SNX29: variants seen among roughly 807,000 people sequenced by gnomAD.
SNX29 encodes sorting nexin 29.
Under a neutral mutation model 102.1 loss-of-function variants are expected in SNX29, and 78 were observed. That is an observed-to-expected ratio of 0.76 (90% CI 0.64 to 0.92). SNX29 has a LOEUF of 0.92. SNX29 is among the 40% of genes least tolerant of loss of function. The pLI is 0.00. For synonymous variants in SNX29, 580 were observed against 414.5 expected, an observed-to-expected ratio of 1.40 and a Z score of -4.85; for missense variants, 1,280 against 1,061.7, an observed-to-expected ratio of 1.21 and a Z score of -2.86.
At chr16:12,151,624 T>C (rs1254695331) in intron 13 of SNX29, among the ~76,000 whole-genome samples, 1 of 152,236 alleles carries the variant, frequency 6.6e-6, no homozygotes, top group Non-Finnish European at 1.5e-5. Context: ...TTCTTTTCAA[T>C]TCCTCTGAAG....
At chr16:12,381,300 A>ACTCAC (rs2083135500) in intron 16 of SNX29, among the ~76,000 whole-genome samples, 1 of 57,048 alleles carries the variant, frequency 1.8e-5, no homozygotes, top group Non-Finnish European at 3.2e-5. Flanking sequence ...CCACCCACCC[A>ACTCAC]TTATCCATCT....
At chr16:12,492,272 C>G (rs372186903) in intron 19 of SNX29, among the ~76,000 whole-genome samples, 43 of 152,308 alleles carry the variant, frequency 2.8e-4, no homozygotes, top group East Asian at 1.3e-3. Context: ...GCATTTCTCT[C>G]ATGGCCAGTG....
chr16:12,562,559 C>G lies in SNX29; in HGVS notation c.2319-5947C>G, dbSNP rs372242097. Among the ~76,000 whole-genome samples, 10 of 152,294 alleles carry G rather than the reference C, an allele frequency of 6.6e-5. No individual in the cohort carries two copies. The East Asian group carries it at 1.7e-3, about 26-fold the overall frequency. ...AGCCAGGAGTCATCTAAGACACTGTCCCCGTGGTCCCTAGTTTTTACCCAG... is the reference window on the plus strand; with the variant it reads ...AGCCAGGAGTCATCTAAGACACTGTGCCCGTGGTCCCTAGTTTTTACCCAG... On this transcript the variant is annotated intron_variant, in intron 20 of 20. Transcript: ENST00000566228.
chr16:12,551,032 A>C (rs1446069833), intron 20 of SNX29, among the ~76,000 whole-genome samples: 1 of 152,196 alleles, frequency 6.6e-6, no homozygotes, highest in Non-Finnish European at 1.5e-5. Flanking sequence ...GGGCTTCTAA[A>C]CAAGGTGTCA....
chr16:12,314,482 C>CTT (rs1325785217), intron 15 of SNX29, among the ~76,000 whole-genome samples: 2 of 152,250 alleles, frequency 1.3e-5, no homozygotes, highest in East Asian at 3.8e-4. Flanking sequence ...GTTCCCTAGC[C>CTT]TTTCTCTGTC....
chr16:12,386,731 C>G (rs542178054), intron 16 of SNX29, among the ~76,000 whole-genome samples: 4 of 152,194 alleles, frequency 2.6e-5, no homozygotes, highest in African/African-American at 7.2e-5. Context: ...GTTCAAAGTG[C>G]CTATGCCTGC....
chr16:12,514,198 C>G (rs748487369), intron 19 of SNX29, among the ~76,000 whole-genome samples: 2 of 152,206 alleles, frequency 1.3e-5, no homozygotes, highest in Non-Finnish European at 2.9e-5. Context: ...ATTGAAGACT[C>G]AGAGCTGTTT....
chr16:12,387,416 G>C (rs7190594), intron 16 of SNX29, among the ~76,000 whole-genome samples: 48,256 of 151,948 alleles, frequency 0.32, 13,475 homozygotes, highest in African/African-American at 0.76. Flanking sequence ...TGGCGTCTCA[G>C]AAGTGGAGAA....
chr16:12,393,583 A>G (rs1285257134), intron 16 of SNX29, among the ~76,000 whole-genome samples: 1 of 152,166 alleles, frequency 6.6e-6, no homozygotes, highest in African/African-American at 2.4e-5. Flanking sequence ...AGTCATTACA[A>G]GCTGAAGAAT....
intron 20 of SNX29, among the ~76,000 whole-genome samples, chr16:12,553,606 G>A (rs1359657039): frequency 1.5e-5 from 2 of 129,372 alleles, no homozygotes; most frequent in African/African-American, 5.9e-5. Flanking sequence ...CCCCACCCCT[G>A]CAAGATGGAA....
intron 13 of SNX29, among the ~76,000 whole-genome samples, chr16:12,138,690 C>T (rs350277): frequency 0.65 from 98,076 of 151,816 alleles, 32,330 homozygotes; most frequent in East Asian, 0.91. Context: ...TGCTTTGTTA[C>T]CTGATTTAGG....
At chr16:12,533,382 G>T (rs764837711) in intron 20 of SNX29, among the ~76,000 whole-genome samples, 7 of 152,164 alleles carry the variant, frequency 4.6e-5, no homozygotes, top group Non-Finnish European at 1.0e-4. Flanking sequence ...TGAGGTCATG[G>T]AGTCTTTCGC....
intron 1 of SNX29, among the ~76,000 whole-genome samples, chr16:11,996,721 G>A (rs1156926644): frequency 6.6e-6 from 1 of 152,148 alleles, no homozygotes; most frequent in South Asian, 2.1e-4. Context: ...TCTGGTGTTA[G>A]GGAGGGAAGA....
At chr16:12,362,556 C>G (rs1326917612) in intron 16 of SNX29, among the ~76,000 whole-genome samples, 1 of 28,304 alleles carries the variant, frequency 3.5e-5, no homozygotes, top group Non-Finnish European at 1.0e-4. Context: ...GCTGCACTCC[C>G]CCCCCACCCC....
chr16:12,061,943 T>G (rs182767368), intron 9 of SNX29, among the ~76,000 whole-genome samples: 1 of 152,288 alleles, frequency 6.6e-6, no homozygotes, highest in East Asian at 1.9e-4. Context: ...CCCGTTGAAC[T>G]TGGTCGTTTA....
Position 11,994,934 on chromosome 16 carries a change from G to T in SNX29, c.8-4363G>T, listed in dbSNP as rs118142089. 3.9e-4 allele frequency among the ~76,000 whole-genome samples: 59 copies of T among 152,258 alleles called. No homozygotes were observed. In the East Asian group the frequency reaches 7.3e-3, roughly 19 times the overall value. On this transcript the variant is annotated intron_variant, in intron 1 of 20. Transcript: ENST00000566228. ...GGGAAGTGACTGTCCCTGTCACATG[G>T]CTAGCAAGCAGGCCAGGCAGGATGA...
chr16:12,145,047 T>G (rs1242130172), intron 13 of SNX29, among the ~76,000 whole-genome samples: 1 of 152,230 alleles, frequency 6.6e-6, no homozygotes, highest in East Asian at 1.9e-4. Context: ...AGGATCTGCC[T>G]CTGAGCTTTC....
intron 16 of SNX29, among the ~76,000 whole-genome samples, chr16:12,391,313 A>T (rs549277267): frequency 6.6e-6 from 1 of 152,218 alleles, no homozygotes; most frequent in African/African-American, 2.4e-5. Flanking sequence ...CAAACATCAT[A>T]GGTTAATTAA....
At chr16:12,237,046 G>A (rs1176128257) in intron 14 of SNX29, among the ~76,000 whole-genome samples, 1 of 152,146 alleles carries the variant, frequency 6.6e-6, no homozygotes, top group Non-Finnish European at 1.5e-5. Context: ...AGAATATCTT[G>A]GGAAACTGAC....
Sources: gnomAD v4.1 joint callset for allele counts (sites outside exome capture counted in the v4.1 genomes callset) on GRCh38, gnomAD v4.1.1 for gene constraint, MANE v1.5 for transcripts, NCBI Gene and HGNC (gene_info 2026-07-23, HGNC 2026-07-21) for gene names.